VWA3B: variants seen among roughly 807,000 people sequenced by gnomAD.
The protein encoded by VWA3B is von Willebrand factor A domain-containing protein 3B.
Under a neutral mutation model 158.3 loss-of-function variants are expected in VWA3B, and 138 were observed. The ratio of observed to expected loss-of-function variants is 0.87; its 90% CI spans 0.76 to 1.00. VWA3B has a LOEUF of 1.00. Among genes scored for constraint, VWA3B ranks in the 50% least tolerant of loss-of-function variants. The pLI, the probability that VWA3B is intolerant of heterozygous loss-of-function variation, is 0.00. For missense variants in VWA3B, 1,555 were observed against 1,565.1 expected (o/e 0.99, Z 0.11); for synonymous variants, 596 against 587.3 (o/e 1.01, Z -0.21).
chr2:98,244,111 G>GT (rs1686243251), intron 19 of VWA3B, among the ~76,000 whole-genome samples: 1 of 152,172 alleles, frequency 6.6e-6, no homozygotes. Context: ...ATCAATAGCT[G>GT]TGGGCACAGT....
intron 20 of VWA3B, among the ~76,000 whole-genome samples, chr2:98,252,865 G>A (rs1328304237): frequency 6.6e-6 from 1 of 151,970 alleles, no homozygotes; most frequent in Non-Finnish European, 1.5e-5. Context: ...GAGTGAATCT[G>A]GAAAAGCCTT....
chr2:98,153,296 T>C (rs1677783276), intron 7 of VWA3B, among the ~76,000 whole-genome samples: 1 of 152,172 alleles, frequency 6.6e-6, no homozygotes, highest in Non-Finnish European at 1.5e-5. Context: ...CTGAGAGTAG[T>C]TTTGTTTGTG....
chr2:98,298,433 T>C (rs1463520589), intron 24 of VWA3B, among the ~76,000 whole-genome samples: 1 of 130,568 alleles, frequency 7.7e-6, no homozygotes, highest in Non-Finnish European at 1.8e-5. Context: ...TATTCTATTC[T>C]ATTCTATTCT....
At chr2:98,204,301 A>T (rs574654070) in intron 12 of VWA3B, among the ~76,000 whole-genome samples, 5 of 152,196 alleles carry the variant, frequency 3.3e-5, no homozygotes, top group Non-Finnish European at 7.4e-5. Context: ...TACATTGAAT[A>T]GGTATGTTGA....
chr2:98,236,758 T>C, intron 19 of VWA3B, 28 bp downstream of exon 19: 1 of 1,571,872 alleles, frequency 6.4e-7, no homozygotes, highest in Non-Finnish European at 8.6e-7. Flanking sequence ...ACGTCCCTAC[T>C]TGAGGCCATT....
intron 7 of VWA3B, among the ~76,000 whole-genome samples, chr2:98,134,982 C>T (rs537162014): frequency 1.3e-5 from 2 of 151,954 alleles, no homozygotes; most frequent in Admixed American, 1.3e-4. Context: ...AACCTTTGTT[C>T]CAATCATGAA....
the VWA3B span, among the ~76,000 whole-genome samples, chr2:98,330,235 G>A: frequency 1.3e-5 from 2 of 152,140 alleles, no homozygotes; most frequent in Non-Finnish European, 2.9e-5. Context: ...AGCCTCCAAG[G>A]GGAAGCTCAG....
chr2:98,264,439 A>C (rs906703962), intron 21 of VWA3B, among the ~76,000 whole-genome samples: 14 of 152,048 alleles, frequency 9.2e-5, no homozygotes, highest in Non-Finnish European at 1.9e-4. Flanking sequence ...TTATCTCAAG[A>C]TATCTTCTAA....
In VWA3B at chr2:98,109,294, A is replaced by G. The variant is rs990956919; in HGVS notation, c.197-6358A>G. Among the ~76,000 whole-genome samples the G allele has an allele frequency of 6.6e-5, 10 of 152,088 alleles. 1 individual carries two copies. Among genetic ancestry groups the G allele is most frequent in the Admixed American group, 2.0e-4 (3 of 15,260 alleles). ...GGCGTGAGCCACCGCGCCTGGCTAT[A>G]ATGTTTTCTATTGTATATCTTCATA... On this transcript the variant is annotated intron_variant, in intron 2 of 27. Coordinates refer to ENST00000477737, the MANE Select transcript of VWA3B (RefSeq NM_144992.5).
At chr2:98,288,812 A>T (rs900029911) in intron 22 of VWA3B, among the ~76,000 whole-genome samples, 1 of 152,074 alleles carries the variant, frequency 6.6e-6, no homozygotes, top group Non-Finnish European at 1.5e-5. Flanking sequence ...CTACTTCTTG[A>T]TCTATCAAGT....
Position 98,276,640 on chromosome 2 carries a change from G to C in VWA3B, c.3045+5757G>C, listed in dbSNP as rs925588732. ...AGTGGGCTGCCCACGTGTGTCCAGAGGGCTGTGGCCATTGCGTTTGGAATG... is the reference window on the plus strand; with the variant it reads ...AGTGGGCTGCCCACGTGTGTCCAGACGGCTGTGGCCATTGCGTTTGGAATG... On this transcript the variant is annotated intron_variant, in intron 22 of 27. Coordinates refer to ENST00000477737, the MANE Select transcript of VWA3B (RefSeq NM_144992.5). 4.1e-5 allele frequency among the ~76,000 whole-genome samples: 6 copies of C among 147,026 alleles called. No individual in the cohort carries two copies. In the East Asian group the frequency reaches 1.2e-3, roughly 29 times the overall value.
At position 98,119,502 on chromosome 2, in the gene VWA3B, T is replaced by C. The variant is rs1355469178; in HGVS notation, c.292-11T>C. The C allele has an allele frequency of 6.2e-7, 1 of 1,612,138 alleles. No homozygotes were observed. Among genetic ancestry groups the C allele is most frequent in the Non-Finnish European group, 8.5e-7 (1 of 1,179,166 alleles). ...GTTGTTTTATTGTTTTTGTCTTTTA[T>C]TTTCATTAAGCTGACAGCTAAATCA... On this transcript the variant is annotated splice_polypyrimidine_tract_variant and intron_variant, in intron 3 of 27. Transcript: ENST00000477737.
rs992909524 is a variant in VWA3B at position 98,192,872 on chromosome 2, T to C, written c.1467-26T>C. 7 of 1,614,006 alleles carry C rather than the reference T, an allele frequency of 4.3e-6. No individual in the cohort carries two copies. The African/African-American group carries it at 8.0e-5, about 18-fold the overall frequency. On this transcript the variant is annotated intron_variant, in intron 10 of 27. Transcript: ENST00000477737. The stretch of plus-strand genomic sequence containing the variant: ...CTTGTTGCCTGCAGGCTCTCACCAT[T>C]CACTTTCAACCTACTTCCTGCCTAG...
chr2:98,244,409 G>C (rs1000784559), intron 19 of VWA3B, among the ~76,000 whole-genome samples: 1 of 151,970 alleles, frequency 6.6e-6, no homozygotes, highest in South Asian at 2.1e-4. Flanking sequence ...TTTGTGAATA[G>C]TTTTCTTATG....
Position 98,312,044 on chromosome 2 carries a change from G to T in VWA3B, c.3735+12G>T, listed in dbSNP as rs374561862. 5.9e-6 allele frequency: 9 copies of T among 1,523,762 alleles called. No individual in the cohort carries two copies. Among genetic ancestry groups the T allele is most frequent in the Admixed American group, 1.8e-5 (1 of 55,186 alleles). 94.4% of individuals were successfully genotyped at this position (1,523,762 alleles called of 1,614,324 possible). Reference sequence around the variant, plus strand: ...ACCCCGAGCCCAGGGTTTGGGTGATGGGGGGGGAACACAACATCGCTTATC... The same window carrying T: ...ACCCCGAGCCCAGGGTTTGGGTGATTGGGGGGGAACACAACATCGCTTATC... On this transcript the variant is annotated intron_variant, in intron 27 of 27. Coordinates refer to ENST00000477737, the MANE Select transcript of VWA3B (RefSeq NM_144992.5).
rs569247280 is a variant in VWA3B, at chr2:98,300,462, C to T, written c.3420+246C>T. 1.6e-4 allele frequency among the ~76,000 whole-genome samples: 25 copies of T among 152,298 alleles called. 1 individual carries two copies. In the East Asian group the frequency reaches 3.7e-3, roughly 22 times the overall value. On this transcript the variant is annotated intron_variant, in intron 25 of 27. Transcript: ENST00000477737. ...CTGCTGAACCATGCTTTGCATTTGA[C>T]GGACTGGCAGGCTCACTCTAGGGTC... is the stretch of plus-strand genomic sequence containing the variant.
chr2:98,177,924 C>T (rs1351807557), intron 8 of VWA3B, among the ~76,000 whole-genome samples: 1 of 151,780 alleles, frequency 6.6e-6, no homozygotes, highest in Non-Finnish European at 1.5e-5. Context: ...GTGTGTGTTG[C>T]TATGGAAATA....
At position 98,180,524 on chromosome 2, in the gene VWA3B, TTACC is replaced by T. The variant is rs1473224070; in HGVS notation, c.1115-489_1115-486del. 2.0e-5 allele frequency among the ~76,000 whole-genome samples: 3 copies of T among 152,220 alleles called. No homozygotes were observed. The East Asian group carries it at 5.8e-4, about 29-fold the overall frequency. ...ACTTTTCTCACTGGATTGCTGCAGTTTACCTAGGAAGGCCAAGCAAATACTGTCT... is the reference window on the plus strand; with the variant it reads ...ACTTTTCTCACTGGATTGCTGCAGTTTAGGAAGGCCAAGCAAATACTGTCT... On this transcript the variant is annotated intron_variant, in intron 8 of 27. Coordinates refer to ENST00000477737, the MANE Select transcript of VWA3B (RefSeq NM_144992.5).
Position 98,214,831 on chromosome 2 carries a change from C to T in VWA3B, c.1836+2803C>T, listed in dbSNP as rs146045170. On this transcript the variant is annotated intron_variant, in intron 13 of 27. Transcript: ENST00000477737. ...ACAATCTTGCCAAAGGAACTCTGTG[C>T]ATATATTGGTTTGCCTGTGAGTGAG... Among the ~76,000 whole-genome samples the T allele has an allele frequency of 1.2e-4, 18 of 152,268 alleles. 1 individual carries two copies. The South Asian group carries it at 2.9e-3, about 25-fold the overall frequency.
Sources: allele counts gnomAD v4.1 joint callset (sites outside exome capture counted in the v4.1 genomes callset), GRCh38; gene constraint gnomAD v4.1.1; transcripts MANE v1.5; gene names NCBI Gene and HGNC (gene_info 2026-07-23, HGNC 2026-07-21).